The following NHS variants were observed in gnomAD, a reference collection of about 807,000 sequenced individuals.
The protein encoded by NHS is NHS actin remodeling regulator, also known as actin remodeling regulator NHS.
A neutral mutation model predicts 72.5 loss-of-function variants in NHS; 5 were observed. That is an observed-to-expected ratio of 0.07 (90% CI 0.04 to 0.14). The LOEUF (loss-of-function observed/expected upper bound fraction) is 0.14, where lower values mean the gene tolerates loss of function less well. Among genes scored for constraint, NHS ranks in the 10% least tolerant of loss-of-function variants. The probability of loss-of-function intolerance (pLI) is 1.00; values close to 1 mark genes in which losing one functional copy is unlikely to be tolerated. For missense variants in NHS, 1,072 were observed against 1,355.7 expected, an observed-to-expected ratio of 0.79 and a Z score of 3.29; for synonymous variants, 464 against 547.7, an observed-to-expected ratio of 0.85 and a Z score of 2.13.
chrX:17,444,375 T>C (rs1324271361), intron 1 of NHS, among the ~76,000 whole-genome samples: 1 of 111,821 alleles, frequency 8.9e-6, no homozygotes, highest in Non-Finnish European at 1.9e-5. Context: ...CTAATTTTAA[T>C]GTCCAGTGTA....
At position 17,726,939 on chromosome X, in the gene NHS, T is replaced by C. The variant is rs901504247; in HGVS notation, c.2833T>C (p.Tyr945His). The C allele has an allele frequency of 8.3e-7, 1 of 1,212,037 alleles. No individual in the cohort carries two copies. Among genetic ancestry groups the C allele is most frequent in the Non-Finnish European group, 1.1e-6 (1 of 895,625 alleles). ...FKDEVAESTH[Y>H]ADLWLLNDLK... ...AGATGAAGTTGCCGAATCCACACAC[T>C]ATGCAGACCTCTGGCTCCTAAATGA... Residue 945 changes from tyrosine to histidine, a missense_variant, in exon 7 of 9, where the codon TAT becomes CAT. Coordinates refer to ENST00000676302, the MANE Select transcript of NHS (RefSeq NM_001291867.2).
intron 1 of NHS, among the ~76,000 whole-genome samples, chrX:17,652,575 G>C (rs2065935495): frequency 8.9e-6 from 1 of 111,794 alleles, no homozygotes; most frequent in Non-Finnish European, 1.9e-5. Flanking sequence ...GTTACCAGAG[G>C]CTGGGGATGG....
chrX:17,467,922 A>G (rs1372389048), intron 1 of NHS, among the ~76,000 whole-genome samples: 1 of 112,314 alleles, frequency 8.9e-6, no homozygotes, highest in Non-Finnish European at 1.9e-5. Context: ...AAATATACTT[A>G]GACCCTCTCC....
intron 1 of NHS, among the ~76,000 whole-genome samples, chrX:17,615,181 AT>A (rs775122948): frequency 0.11 from 4,609 of 42,909 alleles, 441 homozygotes; most frequent in African/African-American, 0.28. Flanking sequence ...ACGTATATAT[AT>A]AGTATATATA....
intron 1 of NHS, among the ~76,000 whole-genome samples, chrX:17,393,250 G>T (rs2064454258): frequency 9.0e-6 from 1 of 111,670 alleles, no homozygotes; most frequent in African/African-American, 3.3e-5. Context: ...CTGTGACAAT[G>T]ACTGTTCTTA....
intron 1 of NHS, among the ~76,000 whole-genome samples, chrX:17,453,774 A>G (rs1249237766): frequency 8.9e-6 from 1 of 111,944 alleles, no homozygotes. Flanking sequence ...TGATGAACAA[A>G]CTCATCATGG....
At chrX:17,547,425 G>T (rs1303395126) in intron 1 of NHS, among the ~76,000 whole-genome samples, 3 of 111,786 alleles carry the variant, frequency 2.7e-5, no homozygotes, top group Admixed American at 1.9e-4. Flanking sequence ...TTTCTCATCT[G>T]TAAAATCGGA....
chrX:17,574,431 C>G (rs1412377491), intron 1 of NHS, among the ~76,000 whole-genome samples: 1 of 112,471 alleles, frequency 8.9e-6, no homozygotes, highest in Non-Finnish European at 1.9e-5. Context: ...CCCCACCAAG[C>G]TCCAGTGTCC....
chrX:17,572,253 A>G (rs2065483814), intron 1 of NHS, among the ~76,000 whole-genome samples: 4 of 110,424 alleles, frequency 3.6e-5, no homozygotes, highest in Non-Finnish European at 3.8e-5. Context: ...TCTGTCTAAT[A>G]TTGACAGTGG....
chrX:17,538,946 G>A (rs1009762384), intron 1 of NHS, among the ~76,000 whole-genome samples: 2 of 111,933 alleles, frequency 1.8e-5, no homozygotes, highest in African/African-American at 6.5e-5. Flanking sequence ...CTTTCAGCCA[G>A]GCTTTTTGGC....
At chrX:17,471,161 C>G (rs1416994286) in intron 1 of NHS, among the ~76,000 whole-genome samples, 3 of 112,526 alleles carry the variant, frequency 2.7e-5, no homozygotes, top group South Asian at 3.6e-4. Context: ...TTTATCTTTT[C>G]ATTGAACGTT....
intron 1 of NHS, among the ~76,000 whole-genome samples, chrX:17,639,154 T>G (rs1353122142): frequency 8.9e-6 from 1 of 111,960 alleles, no homozygotes; most frequent in African/African-American, 3.2e-5. Flanking sequence ...CCAGCTGGGT[T>G]GCTTTCCCCT....
At chrX:17,615,206 A>ATATATACG (rs2065737063) in intron 1 of NHS, among the ~76,000 whole-genome samples, 1 of 91,881 alleles carries the variant, frequency 1.1e-5, no homozygotes, top group African/African-American at 4.8e-5. Context: ...ATATATACGT[A>ATATATACG]TATATATACG....
At position 17,487,137 on chromosome X, in the gene NHS, G is replaced by T. The variant is rs774649810; in HGVS notation, c.565+110815G>T. On this transcript the variant is annotated intron_variant, in intron 1 of 8. Transcript: ENST00000676302. ...AAGTTTGCAAAATGCTATCACAAAT[G>T]TCTCATTTAATATTTCATGGAAGCC... Among the ~76,000 whole-genome samples, 3 of 112,263 alleles carry T rather than the reference G, an allele frequency of 2.7e-5. No homozygotes were observed. In the South Asian group the frequency reaches 1.1e-3, roughly 42 times the overall value.
At chrX:17,719,025 AAAAGG>A (rs1453509034) in intron 3 of NHS, among the ~76,000 whole-genome samples, 1 of 94,887 alleles carries the variant, frequency 1.1e-5, no homozygotes, top group African/African-American at 3.9e-5. Context: ...GAAGGAAGAA[AAAAGG>A]AAAGAAGGAG....
chrX:17,642,691 G>A, intron 1 of NHS, among the ~76,000 whole-genome samples: 1 of 111,847 alleles, frequency 8.9e-6, no homozygotes, highest in East Asian at 2.8e-4. Flanking sequence ...AGTAGTGGGT[G>A]GATATTCGAG....
At chrX:17,505,783 G>A (rs1292958720) in intron 1 of NHS, among the ~76,000 whole-genome samples, 1 of 110,856 alleles carries the variant, frequency 9.0e-6, no homozygotes, top group Non-Finnish European at 1.9e-5. Flanking sequence ...CTCTCCAGCA[G>A]GGGTGAGGGT....
chrX:17,615,140 ATATATATACGTG>A (rs2065733790), intron 1 of NHS, among the ~76,000 whole-genome samples: 1 of 89,229 alleles, frequency 1.1e-5, no homozygotes, highest in African/African-American at 4.2e-5. Context: ...ATATGTGTGT[ATATATATACGTG>A]TATATATACT....
chrX:17,645,911 T>C (rs1397429502), intron 1 of NHS, among the ~76,000 whole-genome samples: 1 of 112,148 alleles, frequency 8.9e-6, no homozygotes, highest in Non-Finnish European at 1.9e-5. Flanking sequence ...CCTGTTGCTT[T>C]GTCTTTCTCC....
Sources: allele counts gnomAD v4.1 joint callset (sites outside exome capture counted in the v4.1 genomes callset), GRCh38; gene constraint gnomAD v4.1.1; transcripts MANE v1.5; gene names NCBI Gene and HGNC (gene_info 2026-07-23, HGNC 2026-07-21).